The following TACC2 variants were observed in gnomAD, a reference collection of about 807,000 sequenced individuals.
TACC2 encodes the protein transforming acidic coiled-coil containing protein 2.
Under a neutral mutation model 227.3 loss-of-function variants are expected in TACC2, and 137 were observed. That is an observed-to-expected ratio of 0.60 (90% confidence interval 0.52 to 0.69). The LOEUF is 0.69. TACC2 is among the 30% of genes least tolerant of loss of function. The pLI, the probability that TACC2 is intolerant of heterozygous loss-of-function variation, is 0.00. For synonymous variants in TACC2, 1,523 were observed against 1,487.5 expected, an observed-to-expected ratio of 1.02 and a Z score of -0.55; for missense variants, 3,470 against 3,694.4, an observed-to-expected ratio of 0.94 and a Z score of 1.57.
intron 5 of TACC2, among the ~76,000 whole-genome samples, chr10:122,118,015 CTTTTTTTTT>C (rs902640167): frequency 7.2e-6 from 1 of 138,556 alleles, no homozygotes; most frequent in East Asian, 2.1e-4. Flanking sequence ...TTCTCTTTTT[CTTTTTTTTT>C]TTTTTTTGAG....
At chr10:122,075,859 G>T (rs1392771715) in intron 3 of TACC2, among the ~76,000 whole-genome samples, 1 of 152,188 alleles carries the variant, frequency 6.6e-6, no homozygotes, top group Non-Finnish European at 1.5e-5. Flanking sequence ...GAGTGCAGTG[G>T]CATGATGTCA....
chr10:122,136,331 C>A (rs115270116), intron 6 of TACC2, among the ~76,000 whole-genome samples: 122 of 152,138 alleles, frequency 8.0e-4, no homozygotes, highest in African/African-American at 2.7e-3. Context: ...AGTGTCCCCG[C>A]CACCCCATCC....
chr10:122,215,389 A>G lies in TACC2; in HGVS notation c.7284-2A>G. 1 of 1,613,562 alleles carries G rather than the reference A, an allele frequency of 6.2e-7. No individual in the cohort carries two copies. Among genetic ancestry groups the G allele is most frequent in the South Asian group, 1.1e-5 (1 of 91,070 alleles). On this transcript the variant is annotated splice_acceptor_variant, in intron 9 of 22. Transcript: ENST00000369005. LOFTEE classifies it high-confidence loss of function. ...TGTTTACGTTTTCCATTTTGTTTCC[A>G]GTGACACATTTAGGGTGAAAAAGTC... is the stretch of plus-strand genomic sequence containing the variant.
At chr10:122,231,643 T>A (rs2095752195) in intron 16 of TACC2, among the ~76,000 whole-genome samples, 1 of 152,218 alleles carries the variant, frequency 6.6e-6, no homozygotes, top group African/African-American at 2.4e-5. Flanking sequence ...TTGACAGTGA[T>A]TCACCAGCCT....
At chr10:122,218,134 A>G (rs1284232878) in intron 11 of TACC2, among the ~76,000 whole-genome samples, 1 of 151,884 alleles carries the variant, frequency 6.6e-6, no homozygotes, top group East Asian at 2.0e-4. Context: ...TAGTAGAGGC[A>G]GAGTTTCACA....
intron 11 of TACC2, among the ~76,000 whole-genome samples, chr10:122,218,719 A>G (rs1412095580): frequency 2.0e-5 from 3 of 152,068 alleles, no homozygotes; most frequent in Non-Finnish European, 4.4e-5. Flanking sequence ...AGAGGTCCGA[A>G]AGTGACCATC....
intron 9 of TACC2, 71 bp downstream of exon 9, chr10:122,211,779 G>T: frequency 1.4e-6 from 2 of 1,387,366 alleles, no homozygotes; most frequent in Admixed American, 2.6e-5. Context: ...TTGGTCATGT[G>T]CCTGGATAAC....
intron 1 of TACC2, among the ~76,000 whole-genome samples, chr10:122,006,097 T>C (rs1590948509): frequency 2.0e-5 from 3 of 152,332 alleles, no homozygotes; most frequent in African/African-American, 7.2e-5. Flanking sequence ...AGTTGTTTTT[T>C]GTTTTTCTTT....
At chr10:122,121,720 C>A (rs565583913) in intron 5 of TACC2, among the ~76,000 whole-genome samples, 82 of 152,166 alleles carry the variant, frequency 5.4e-4, no homozygotes, top group Non-Finnish European at 1.0e-3. Context: ...TGGGCCTCTT[C>A]CTTGGTTCAT....
intron 3 of TACC2, among the ~76,000 whole-genome samples, chr10:122,080,743 T>C (rs989892171): frequency 2.0e-5 from 3 of 152,200 alleles, no homozygotes; most frequent in Non-Finnish European, 2.9e-5. Context: ...ACCATCTCAC[T>C]GTATGCATCC....
chr10:122,254,246 T>G lies in TACC2; in HGVS notation c.*190T>G. On this transcript the variant is annotated 3_prime_UTR_variant, in exon 23 of 23. Transcript: ENST00000369005. The stretch of plus-strand genomic sequence containing the variant: ...CTATCAGAATTTCTTGCTATTGGTT[T>G]GCATTTTCCTAGTATAATTCATAGC... 1.5e-6 allele frequency: 1 copy of G among 664,536 alleles called. No individual in the cohort carries two copies. The highest frequency in any genetic ancestry group is 1.6e-5 in the South Asian group (1 of 62,680). The allele number at this position is 664,536 out of a possible 1,614,324, so 41.2% of individuals were successfully genotyped here.
chr10:122,175,999 T>A (rs2093675515), intron 7 of TACC2, among the ~76,000 whole-genome samples: 2 of 151,680 alleles, frequency 1.3e-5, no homozygotes, highest in Non-Finnish European at 2.9e-5. Flanking sequence ...GAGGATCGCT[T>A]GAACCCAGGA....
At chr10:122,142,817 C>T (rs1355405938) in intron 6 of TACC2, among the ~76,000 whole-genome samples, 2 of 152,238 alleles carry the variant, frequency 1.3e-5, no homozygotes, top group African/African-American at 4.8e-5. Flanking sequence ...GGGAGGGTAC[C>T]ACCCTGAAAG....
chr10:122,152,543 A>G (rs1383277817), intron 7 of TACC2, among the ~76,000 whole-genome samples: 2 of 152,046 alleles, frequency 1.3e-5, no homozygotes, highest in African/African-American at 4.8e-5. Context: ...GTGATACTCT[A>G]TTCCATTCCA....
rs776764552 is a variant in TACC2 at position 122,088,597 on chromosome 10, C to T, written c.5573+6C>T. ...GGTGCGGAAGGAACAGAAAGGTCAG[C>T]GAAAGATATTGGTCTTTGGAAGGCC... On this transcript the variant is annotated splice_donor_region_variant and intron_variant, in intron 5 of 22. Transcript: ENST00000369005. 17 of 1,610,932 alleles carry T rather than the reference C, an allele frequency of 1.1e-5. No individual in the cohort carries two copies. In the East Asian group the frequency reaches 2.0e-4, roughly 19 times the overall value.
intron 5 of TACC2, among the ~76,000 whole-genome samples, chr10:122,112,175 C>G (rs1479789669): frequency 6.6e-6 from 1 of 152,078 alleles, no homozygotes; most frequent in Non-Finnish European, 1.5e-5. Context: ...AAATGGGAAG[C>G]CTGCTGTCTA....
rs373589642 is a variant in TACC2, at chr10:122,237,544, G to A, written c.8271+6G>A. The A allele has an allele frequency of 5.0e-5, 81 of 1,607,708 alleles. No individual in the cohort carries two copies. The highest frequency in any genetic ancestry group is 2.3e-4 in the South Asian group (21 of 89,942). On this transcript the variant is annotated splice_donor_region_variant and intron_variant, in intron 17 of 22. Transcript: ENST00000369005. ...TCCAGATCGCCAGAGCAGAGGTATC[G>A]TGGCATGTGGTGTAATTACCCTCTT...
intron 3 of TACC2, among the ~76,000 whole-genome samples, chr10:122,053,359 A>G (rs2075904598): frequency 6.6e-6 from 1 of 152,014 alleles, no homozygotes; most frequent in Non-Finnish European, 1.5e-5. Flanking sequence ...GGGAAAGACC[A>G]GCCCCCATGA....
intron 2 of TACC2, among the ~76,000 whole-genome samples, chr10:122,049,115 C>A (rs145698847): frequency 6.6e-6 from 1 of 152,248 alleles, no homozygotes; most frequent in African/African-American, 2.4e-5. Context: ...AGAGGTGGAC[C>A]GGGGAATGCA....
Sources: gnomAD v4.1 joint callset for allele counts (sites outside exome capture counted in the v4.1 genomes callset) on GRCh38, gnomAD v4.1.1 for gene constraint, MANE v1.5 for transcripts, NCBI Gene and HGNC (gene_info 2026-07-23, HGNC 2026-07-21) for gene names.